CASR: variants seen among roughly 807,000 people sequenced by gnomAD.
The protein encoded by CASR is extracellular calcium-sensing receptor.
CASR carries 23 observed loss-of-function variants against 69.1 expected under a neutral mutation model. That is an observed-to-expected ratio of 0.33 (90% CI 0.24 to 0.47). The LOEUF (loss-of-function observed/expected upper bound fraction) is 0.47. CASR is among the 20% of genes least tolerant of loss of function. The probability of loss-of-function intolerance (pLI) is 1.00; values close to 1 mark genes in which losing one functional copy is unlikely to be tolerated. For synonymous variants in CASR, 541 were observed against 544.7 expected (o/e 0.99, Z 0.10); for missense variants, 924 against 1,356.1 (o/e 0.68, Z 5.00).
rs1203983714 is a variant in CASR, at chr3:122,275,720, G to A, written c.1378-92G>A. 4 of 859,808 alleles carry A rather than the reference G, an allele frequency of 4.7e-6. No homozygotes were observed. The Admixed American group carries it at 7.1e-5, about 15-fold the overall frequency. 53.3% of individuals were successfully genotyped at this position (859,808 alleles called of 1,614,324 possible). A position where few individuals can be genotyped will look rare whatever the true frequency, so the allele number is the denominator to read the frequency against. ...CGTTCCTCCCACTTTGTTGGAACAA[G>A]ATAGTCTACCGTTGTTGTGCAGGGC... On this transcript the variant is annotated intron_variant, in intron 4 of 6. Transcript: ENST00000639785.
chr3:122,254,214 G>A lies in CASR; in HGVS notation c.25G>A (p.Val9Ile). MAFYSCCWVLLALTWHTSA... is the reference protein window; with the variant it reads MAFYSCCWILLALTWHTSA... Reference sequence around the variant, plus strand: ...CATGGCATTTTATAGCTGCTGCTGGGTCCTCTTGGCACTCACCTGGCACAC... The same window carrying A: ...CATGGCATTTTATAGCTGCTGCTGGATCCTCTTGGCACTCACCTGGCACAC... The change falls in exon 2 of 7, where the codon GTC becomes ATC. Residue 9 changes from valine (V) to isoleucine (I), a missense_variant. This residue lies in a region of CASR where 28 missense variants were observed against 22.1 expected (regional missense o/e 1.27). Transcript: ENST00000639785. The A allele has an allele frequency of 6.2e-7, 1 of 1,613,396 alleles. No homozygotes were observed. The highest frequency in any genetic ancestry group is 8.5e-7 in the Non-Finnish European group (1 of 1,180,022).
Position 122,284,838 on chromosome 3 carries a change from T to C in CASR, c.2884T>C (p.Cys962Arg), listed in dbSNP as rs758172766. Residue 962 changes from cysteine to arginine, a missense_variant, in exon 7 of 7, where the codon TGC becomes CGC. Cys to Arg is a radical substitution (Grantham distance 180). Coordinates refer to ENST00000639785, the MANE Select transcript of CASR (RefSeq NM_000388.4). ...GCAACGATCTCAGCAGCAGCCCAGA[T>C]GCAAGCAGAAGGTCATCTTTGGCAG... ...QQQRSQQQPR[C>R]KQKVIFGSGT... is the part of the protein sequence containing the mutation. The C allele has an allele frequency of 1.2e-6, 2 of 1,614,040 alleles. No homozygotes were observed. Among genetic ancestry groups the C allele is most frequent in the Admixed American group, 1.7e-5 (1 of 59,998 alleles).
intron 5 of CASR, among the ~76,000 whole-genome samples, chr3:122,281,071 T>G (rs1264374120): frequency 6.6e-6 from 1 of 152,242 alleles, no homozygotes; most frequent in African/African-American, 2.4e-5. Flanking sequence ...GCAGGACTTC[T>G]TGAAATGGTG....
At chr3:122,250,198 G>A (rs150919425) in intron 1 of CASR, among the ~76,000 whole-genome samples, 155 of 152,238 alleles carry the variant, frequency 1.0e-3, no homozygotes, top group African/African-American at 3.3e-3. Flanking sequence ...CAGGAGACTG[G>A]ATGTTGGAGG....
chr3:122,237,411 T>C (rs2074339181), intron 1 of CASR, among the ~76,000 whole-genome samples: 1 of 152,174 alleles, frequency 6.6e-6, no homozygotes, highest in South Asian at 2.1e-4. Context: ...GGCCGAAGTG[T>C]CTTTAAAATT....
At chr3:122,259,628 ATTT>A (rs11414721) in intron 3 of CASR, among the ~76,000 whole-genome samples, 2 of 122,232 alleles carry the variant, frequency 1.6e-5, no homozygotes, top group Non-Finnish European at 3.3e-5. Context: ...CACATTGGAA[ATTT>A]TTTTTTTTTT....
At chr3:122,237,498 AT>A (rs1459579296) in intron 1 of CASR, among the ~76,000 whole-genome samples, 1 of 152,214 alleles carries the variant, frequency 6.6e-6, no homozygotes, top group Non-Finnish European at 1.5e-5. Flanking sequence ...AAAAGTCCAA[AT>A]GCCCACCAAT....
intron 1 of CASR, among the ~76,000 whole-genome samples, chr3:122,200,644 G>A (rs1358234826): frequency 6.6e-6 from 1 of 152,180 alleles, no homozygotes; most frequent in African/African-American, 2.4e-5. Flanking sequence ...TCTTCTGTCA[G>A]TGGAGCAGTT....
intron 1 of CASR, among the ~76,000 whole-genome samples, chr3:122,187,351 G>A (rs2073795969): frequency 6.6e-6 from 1 of 152,146 alleles, no homozygotes; most frequent in Non-Finnish European, 1.5e-5. Flanking sequence ...ATCACCAATT[G>A]CACTGAAGCA....
At chr3:122,266,220 G>A (rs151047224) in intron 4 of CASR, among the ~76,000 whole-genome samples, 13 of 147,574 alleles carry the variant, frequency 8.8e-5, no homozygotes, top group Non-Finnish European at 1.6e-4. Context: ...GCAACCGTTT[G>A]ACTTTAAAAT....
At position 122,228,114 on chromosome 3, in the gene CASR, G is replaced by A. The variant is rs534206722; in HGVS notation, c.-242-25834G>A. Among the ~76,000 whole-genome samples the A allele has an allele frequency of 6.4e-4, 97 of 152,320 alleles. 1 individual carries two copies. The South Asian group carries it at 9.3e-3, about 15-fold the overall frequency. ...ACTGGTTCCAGCTGAAGCTTTGCCA[G>A]TTACCAGTTGTTTAGTATTGGACAA... On this transcript the variant is annotated intron_variant, in intron 1 of 6. Transcript: ENST00000639785.
chr3:122,194,026 A>G (rs2073864038), intron 1 of CASR, among the ~76,000 whole-genome samples: 1 of 152,138 alleles, frequency 6.6e-6, no homozygotes, highest in Non-Finnish European at 1.5e-5. Flanking sequence ...TCTTGGCCCC[A>G]AAGCCTAAGC....
intron 1 of CASR, among the ~76,000 whole-genome samples, chr3:122,206,957 C>G (rs936960744): frequency 2.0e-5 from 3 of 151,732 alleles, no homozygotes; most frequent in African/African-American, 7.3e-5. Flanking sequence ...TGGGGCTTCT[C>G]TTTTTTTCTT....
chr3:122,271,958 C>T (rs1248680855), intron 4 of CASR, among the ~76,000 whole-genome samples: 1 of 152,160 alleles, frequency 6.6e-6, no homozygotes, highest in Non-Finnish European at 1.5e-5. Flanking sequence ...GGATATACCA[C>T]ATTTTATTTA....
Position 122,288,425 on chromosome 3 carries a change from T to C in CASR, c.*3234T>C, listed in dbSNP as rs2074987206. ...TTGTGTTGTTTTAAGCCATGAAGTT[T>C]ATAGTAATTTGTTTCAGCAGCAACA... is the stretch of plus-strand genomic sequence containing the variant. On this transcript the variant is annotated 3_prime_UTR_variant, in exon 7 of 7. Coordinates refer to ENST00000639785, the MANE Select transcript of CASR (RefSeq NM_000388.4). 1 of 152,260 alleles carries C rather than the reference T, an allele frequency of 6.6e-6. No individual in the cohort carries two copies. The highest frequency in any genetic ancestry group is 1.5e-5 in the Non-Finnish European group (1 of 68,048). 9.4% of individuals were successfully genotyped at this position (152,260 alleles called of 1,614,324 possible). A position where few individuals can be genotyped will look rare whatever the true frequency, so the allele number is the denominator to read the frequency against.
chr3:122,269,559 G>T (rs2074734349), intron 4 of CASR, among the ~76,000 whole-genome samples: 1 of 152,182 alleles, frequency 6.6e-6, no homozygotes, highest in Admixed American at 6.5e-5. Context: ...TGGTCATAAT[G>T]TATATTCCTT....
At chr3:122,245,816 T>C (rs1576845641) in intron 1 of CASR, among the ~76,000 whole-genome samples, 1 of 152,194 alleles carries the variant, frequency 6.6e-6, no homozygotes, top group East Asian at 1.9e-4. Context: ...ATTAATCCAA[T>C]TTTGTGCACC....
At chr3:122,212,021 C>T (rs370699382) in intron 1 of CASR, among the ~76,000 whole-genome samples, 5 of 152,228 alleles carry the variant, frequency 3.3e-5, no homozygotes, top group South Asian at 4.1e-4. Context: ...AGACCTAGAA[C>T]GATAAATAGC....
chr3:122,252,417 GAA>G (rs1251409019), intron 1 of CASR, among the ~76,000 whole-genome samples: 1 of 28,634 alleles, frequency 3.5e-5, no homozygotes, highest in Non-Finnish European at 7.7e-5. Flanking sequence ...GAAAAAGAAA[GAA>G]AGAAAGAAAG....
Sources: allele counts gnomAD v4.1 joint callset (sites outside exome capture counted in the v4.1 genomes callset), GRCh38; gene constraint gnomAD v4.1.1; regional missense constraint gnomAD v4.1.1; transcripts MANE v1.5; gene names NCBI Gene and HGNC (gene_info 2026-07-23, HGNC 2026-07-21).